Variants in TASP1 observed in about 807,000 individuals in gnomAD.
TASP1 encodes threonine aspartase 1.
A neutral mutation model predicts 56.6 loss-of-function variants in TASP1; 16 were observed. The observed-to-expected ratio is 0.28, with a 90% confidence interval of 0.19 to 0.43. TASP1 has a LOEUF of 0.43. Ranked by LOEUF, TASP1 falls within the 20% of genes least tolerant of loss-of-function variation. TASP1 has a pLI of 1.00. For synonymous variants in TASP1, 179 were observed against 184.2 expected, an observed-to-expected ratio of 0.97 and a Z score of 0.23; for missense variants, 393 against 511.6, an observed-to-expected ratio of 0.77 and a Z score of 2.24.
At chr20:13,202,909 T>C in the TASP1 span, among the ~76,000 whole-genome samples, 1 of 152,236 alleles carries the variant, frequency 6.6e-6, no homozygotes, top group African/African-American at 2.4e-5. Context: ...CTACATCCAG[T>C]TAAGCTATAG....
At chr20:13,129,028 C>T in the TASP1 span, among the ~76,000 whole-genome samples, 1 of 152,040 alleles carries the variant, frequency 6.6e-6, no homozygotes, top group Admixed American at 6.6e-5. Context: ...AGGTGTCCCC[C>T]ACCATGCCTG....
At chr20:13,261,544 A>G in the TASP1 span, among the ~76,000 whole-genome samples, 9 of 152,206 alleles carry the variant, frequency 5.9e-5, no homozygotes, top group African/African-American at 9.7e-5. Flanking sequence ...CCATAAGTGC[A>G]GAGGTGCAAT....
chr20:13,468,901 G>A (rs1186331201), intron 11 of TASP1, among the ~76,000 whole-genome samples: 6 of 147,096 alleles, frequency 4.1e-5, no homozygotes, highest in East Asian at 2.0e-4. Flanking sequence ...CAAATTCCTT[G>A]TATGATTTTA....
chr20:13,623,055 G>A (rs377341383), intron 4 of TASP1, among the ~76,000 whole-genome samples: 2 of 152,132 alleles, frequency 1.3e-5, no homozygotes, highest in Non-Finnish European at 2.9e-5. Context: ...TGTTAGGTTC[G>A]TGAAGAATCT....
At chr20:13,258,761 C>T in the TASP1 span, among the ~76,000 whole-genome samples, 85 of 152,060 alleles carry the variant, frequency 5.6e-4, no homozygotes, top group African/African-American at 1.7e-3. Context: ...ATGAAGTGTT[C>T]GAAAGGAGTT....
intron 11 of TASP1, among the ~76,000 whole-genome samples, chr20:13,453,343 C>T (rs931884257): frequency 2.0e-5 from 3 of 152,066 alleles, no homozygotes; most frequent in Admixed American, 1.3e-4. Context: ...GTGGCCAAGA[C>T]GTTCAAGAGA....
chr20:13,394,788 C>T (rs1600667321), intron 13 of TASP1, among the ~76,000 whole-genome samples: 1 of 152,034 alleles, frequency 6.6e-6, no homozygotes, highest in Non-Finnish European at 1.5e-5. Flanking sequence ...CTTGCTAATT[C>T]CCTAAGAAGC....
the TASP1 span, chr20:13,239,757 A>G: frequency 1.3e-5 from 2 of 152,214 alleles, no homozygotes; most frequent in African/African-American, 4.8e-5. Flanking sequence ...GCCAAGCCCC[A>G]ATGTCTCATT....
chr20:13,244,586 C>A, the TASP1 span, among the ~76,000 whole-genome samples: 1 of 152,174 alleles, frequency 6.6e-6, no homozygotes, highest in Non-Finnish European at 1.5e-5. Context: ...ACTTATTTAG[C>A]ATGAAGGCTT....
the TASP1 span, among the ~76,000 whole-genome samples, chr20:13,363,263 G>T: frequency 1.3e-5 from 2 of 152,116 alleles, no homozygotes; most frequent in Non-Finnish European, 2.9e-5. Context: ...AGAAAGAGAG[G>T]CTGGAAATGG....
At chr20:13,465,528 T>C (rs1258452122) in intron 11 of TASP1, among the ~76,000 whole-genome samples, 5 of 152,002 alleles carry the variant, frequency 3.3e-5, no homozygotes. Flanking sequence ...GTAATTAATT[T>C]ATTTATAATA....
At chr20:13,172,984 C>G in the TASP1 span, among the ~76,000 whole-genome samples, 1 of 152,194 alleles carries the variant, frequency 6.6e-6, no homozygotes, top group South Asian at 2.1e-4. Context: ...CATGGTGTTT[C>G]AGGGACCCAG....
chr20:13,613,832 C>T (rs2048432810), intron 4 of TASP1, among the ~76,000 whole-genome samples: 1 of 151,928 alleles, frequency 6.6e-6, no homozygotes, highest in Non-Finnish European at 1.5e-5. Flanking sequence ...TTATTAGGCC[C>T]AAATGAAGTA....
chr20:13,274,179 G>A, the TASP1 span, among the ~76,000 whole-genome samples: 310 of 152,222 alleles, frequency 2.0e-3, 2 homozygotes, highest in Non-Finnish European at 2.4e-3. Flanking sequence ...GTTCCCTGGT[G>A]GTCCTTTAAA....
chr20:13,257,044 AG>A, the TASP1 span, among the ~76,000 whole-genome samples: 1 of 152,188 alleles, frequency 6.6e-6, no homozygotes, highest in Non-Finnish European at 1.5e-5. Context: ...AATAATAAAG[AG>A]GAGAAAAGAA....
intron 4 of TASP1, among the ~76,000 whole-genome samples, chr20:13,595,518 G>C (rs1433061776): frequency 6.6e-6 from 1 of 152,142 alleles, no homozygotes; most frequent in African/African-American, 2.4e-5. Context: ...TCAAAATAAA[G>C]GGGTGGAGGA....
intron 11 of TASP1, among the ~76,000 whole-genome samples, chr20:13,455,086 G>T (rs1331821747): frequency 6.6e-6 from 1 of 151,932 alleles, no homozygotes; most frequent in Admixed American, 6.6e-5. Context: ...AGGAACTGCA[G>T]GATCAAACAA....
the TASP1 span, among the ~76,000 whole-genome samples, chr20:13,375,069 A>T: frequency 3.3e-5 from 5 of 152,130 alleles, no homozygotes; most frequent in African/African-American, 9.7e-5. Context: ...TTTTAAAGAT[A>T]GGTGTGTTGT....
the TASP1 span, among the ~76,000 whole-genome samples, chr20:13,119,575 T>G: frequency 6.6e-6 from 1 of 152,318 alleles, no homozygotes; most frequent in South Asian, 2.1e-4. Flanking sequence ...AAATGCTCAT[T>G]TTATGCATAT....
Sources: gnomAD v4.1 joint callset for allele counts (sites outside exome capture counted in the v4.1 genomes callset) on GRCh38, gnomAD v4.1.1 for gene constraint, MANE v1.5 for transcripts, NCBI Gene and HGNC (gene_info 2026-07-23, HGNC 2026-07-21) for gene names.